GRM5: variants seen among roughly 807,000 people sequenced by gnomAD.
The protein encoded by GRM5 is glutamate metabotropic receptor 5.
A neutral mutation model predicts 83.1 loss-of-function variants in GRM5; 19 were observed. That is an observed-to-expected ratio of 0.23 (90% CI 0.16 to 0.34). The LOEUF (loss-of-function observed/expected upper bound fraction) is 0.34, where lower values mean the gene tolerates loss of function less well. Ranked by LOEUF, GRM5 falls within the 10% of genes least tolerant of loss-of-function variation. The pLI, the probability that GRM5 is intolerant of heterozygous loss-of-function variation, is 1.00. For missense variants in GRM5, 1,160 were observed against 1,588.3 expected, an observed-to-expected ratio of 0.73 and a Z score of 4.58; for synonymous variants, 675 against 633.6, an observed-to-expected ratio of 1.07 and a Z score of -0.98.
chr11:88,662,344 A>G (rs922858134), intron 3 of GRM5, among the ~76,000 whole-genome samples: 7 of 152,182 alleles, frequency 4.6e-5, no homozygotes, highest in Admixed American at 4.6e-4. Context: ...CTAAGTAATG[A>G]CATACAGTAA....
intron 3 of GRM5, among the ~76,000 whole-genome samples, chr11:88,836,906 T>C (rs940786261): frequency 6.6e-6 from 1 of 152,224 alleles, no homozygotes; most frequent in Non-Finnish European, 1.5e-5. Context: ...CACAGAATAA[T>C]ATTCAGTTTG....
intron 7 of GRM5, among the ~76,000 whole-genome samples, chr11:88,589,253 G>T (rs1316120255): frequency 6.6e-6 from 1 of 152,014 alleles, no homozygotes; most frequent in Non-Finnish European, 1.5e-5. Flanking sequence ...GTGCACACAG[G>T]TACACTATAG....
chr11:88,509,347 C>T lies in GRM5; in HGVS notation c.2884G>A (p.Gly962Ser), dbSNP rs777067072. 1 of 1,606,378 alleles carries T rather than the reference C, an allele frequency of 6.2e-7. No individual in the cohort carries two copies. The highest frequency in any genetic ancestry group is 1.7e-5 in the Admixed American group (1 of 59,426). The change falls in exon 10 of 10, where the codon GGC (glycine) becomes AGC (serine). Residue 962 changes from glycine to serine, a missense_variant. Physicochemically the swap from Gly to Ser is moderately conservative, Grantham distance 56 (BLOSUM62 0). Transcript: ENST00000305447. ...CTCCCGCCTGCGCCAGCGCCAGCGCCCAGGCCACGGCTCTCCGTGCTCTTG... is the reference window on the plus strand; with the variant it reads ...CTCCCGCCTGCGCCAGCGCCAGCGCTCAGGCCACGGCTCTCCGTGCTCTTG... ...FPKSTESRGL[G>S]AGAGAGGSAG...
chr11:88,892,214 G>A (rs1945157450), intron 2 of GRM5, among the ~76,000 whole-genome samples: 1 of 147,270 alleles, frequency 6.8e-6, no homozygotes, highest in Admixed American at 6.8e-5. Flanking sequence ...TTTTATCAAA[G>A]CTTTGACAGG....
At chr11:88,537,772 C>T (rs1942168797) in intron 8 of GRM5, among the ~76,000 whole-genome samples, 1 of 152,026 alleles carries the variant, frequency 6.6e-6, no homozygotes, top group African/African-American at 2.4e-5. Context: ...TTTGCACAGA[C>T]TTGAAATGTC....
At chr11:88,765,823 C>A (rs1022098020) in intron 3 of GRM5, among the ~76,000 whole-genome samples, 3 of 151,558 alleles carry the variant, frequency 2.0e-5, no homozygotes, top group African/African-American at 7.3e-5. Context: ...ACAGGCACAA[C>A]AACAAAAAAT....
At chr11:88,766,320 C>A (rs777072614) in intron 3 of GRM5, among the ~76,000 whole-genome samples, 35 of 151,888 alleles carry the variant, frequency 2.3e-4, no homozygotes, top group Non-Finnish European at 4.4e-4. Flanking sequence ...TACGGGGCTC[C>A]CATAACCAAA....
chr11:88,560,657 G>T (rs542251786), intron 8 of GRM5, among the ~76,000 whole-genome samples: 1 of 152,266 alleles, frequency 6.6e-6, no homozygotes, highest in African/African-American at 2.4e-5. Flanking sequence ...GCTCCATGAG[G>T]TGCTGCCCAA....
intron 2 of GRM5, among the ~76,000 whole-genome samples, chr11:89,041,261 C>G (rs1191520379): frequency 6.6e-6 from 1 of 152,186 alleles, no homozygotes; most frequent in South Asian, 2.1e-4. Context: ...TGCACATCAC[C>G]AGAGATATTT....
chr11:88,617,413 T>G (rs1938513088), intron 4 of GRM5, among the ~76,000 whole-genome samples: 1 of 152,080 alleles, frequency 6.6e-6, no homozygotes, highest in African/African-American at 2.4e-5. Context: ...TCTTGGACCT[T>G]TTTCCCCAAT....
At chr11:89,036,983 A>T (rs1188685448) in intron 2 of GRM5, among the ~76,000 whole-genome samples, 1 of 152,116 alleles carries the variant, frequency 6.6e-6, no homozygotes, top group Non-Finnish European at 1.5e-5. Context: ...ATCAAATGAA[A>T]TTATTCATAT....
intron 3 of GRM5, among the ~76,000 whole-genome samples, chr11:88,732,610 A>G (rs1256783039): frequency 6.6e-6 from 1 of 152,090 alleles, no homozygotes; most frequent in East Asian, 1.9e-4. Flanking sequence ...GATAATTCTG[A>G]TATCAAAGTT....
chr11:89,035,575 T>C (rs1362338965), intron 2 of GRM5, among the ~76,000 whole-genome samples: 2 of 151,882 alleles, frequency 1.3e-5, no homozygotes, highest in Non-Finnish European at 2.9e-5. Flanking sequence ...AATGCAGAAA[T>C]ATCTTTTCAT....
intron 2 of GRM5, among the ~76,000 whole-genome samples, chr11:88,923,375 A>T (rs1160970029): frequency 6.6e-6 from 1 of 152,208 alleles, no homozygotes; most frequent in Non-Finnish European, 1.5e-5. Context: ...AGGCATAAAA[A>T]AATGAGACCC....
intron 4 of GRM5, among the ~76,000 whole-genome samples, chr11:88,623,722 C>T (rs1938708616): frequency 2.0e-5 from 3 of 152,096 alleles, no homozygotes; most frequent in African/African-American, 4.8e-5. Flanking sequence ...TATTTATTTG[C>T]AATCAAGTTC....
intron 2 of GRM5, among the ~76,000 whole-genome samples, chr11:89,007,461 G>C (rs932099257): frequency 6.6e-6 from 1 of 152,148 alleles, no homozygotes; most frequent in Admixed American, 6.5e-5. Context: ...ATCAACAAGA[G>C]TGATTTTCAT....
intron 2 of GRM5, among the ~76,000 whole-genome samples, chr11:89,038,271 C>A (rs1941442401): frequency 6.6e-6 from 1 of 152,108 alleles, no homozygotes; most frequent in African/African-American, 2.4e-5. Context: ...CTTGCCAAAA[C>A]ATCTCCTCAA....
chr11:88,757,683 C>T (rs544149650), intron 3 of GRM5, among the ~76,000 whole-genome samples: 44 of 152,264 alleles, frequency 2.9e-4, no homozygotes, highest in African/African-American at 9.4e-4. Flanking sequence ...CCCACTGCTA[C>T]GAATGCAATA....
chr11:88,929,390 A>G (rs1459356979), intron 2 of GRM5, among the ~76,000 whole-genome samples: 1 of 152,196 alleles, frequency 6.6e-6, no homozygotes, highest in African/African-American at 2.4e-5. Flanking sequence ...TGAATGAAAT[A>G]CATAAATTAA....
Sources: allele counts gnomAD v4.1 joint callset (sites outside exome capture counted in the v4.1 genomes callset), GRCh38; gene constraint gnomAD v4.1.1; transcripts MANE v1.5; gene names NCBI Gene and HGNC (gene_info 2026-07-23, HGNC 2026-07-21).